Variants in SYT1 observed in about 807,000 individuals in gnomAD.
SYT1 encodes the protein synaptotagmin 1.
A neutral mutation model predicts 44.8 loss-of-function variants in SYT1; 8 were observed. The observed-to-expected ratio is 0.18, with a 90% confidence interval of 0.10 to 0.32. The LOEUF is 0.32. Ranked by LOEUF, SYT1 falls within the 10% of genes least tolerant of loss-of-function variation. The pLI is 1.00. For missense variants in SYT1, 286 were observed against 509.3 expected, an observed-to-expected ratio of 0.56 and a Z score of 4.22; for synonymous variants, 154 against 188.8, an observed-to-expected ratio of 0.82 and a Z score of 1.51.
At chr12:79,002,456 A>ATT (rs112673654) in intron 2 of SYT1, among the ~76,000 whole-genome samples, 2 of 147,486 alleles carry the variant, frequency 1.4e-5, no homozygotes, top group East Asian at 2.0e-4. Context: ...CATTGCCAGT[A>ATT]TTTTTTTTTT....
At chr12:79,403,929 C>T (rs1044828176) in intron 9 of SYT1, among the ~76,000 whole-genome samples, 17 of 152,116 alleles carry the variant, frequency 1.1e-4, no homozygotes, top group African/African-American at 1.7e-4. Flanking sequence ...AAAAGAATGA[C>T]GCCACCTAAG....
chr12:79,153,364 A>G (rs1870396943), intron 3 of SYT1, among the ~76,000 whole-genome samples: 1 of 152,278 alleles, frequency 6.6e-6, no homozygotes, highest in Admixed American at 6.5e-5. Flanking sequence ...GTAGGTCGGA[A>G]GAAGAGCCAT....
At chr12:79,099,911 C>T (rs1878348736) in intron 3 of SYT1, among the ~76,000 whole-genome samples, 1 of 152,100 alleles carries the variant, frequency 6.6e-6, no homozygotes, top group Admixed American at 6.6e-5. Flanking sequence ...TTCCATTCAA[C>T]ATTCCAGGTA....
chr12:79,025,816 A>G (rs1386468372), intron 2 of SYT1, among the ~76,000 whole-genome samples: 3 of 151,638 alleles, frequency 2.0e-5, no homozygotes, highest in Non-Finnish European at 4.4e-5. Context: ...TTTAAAAAAT[A>G]CCAGACATTG....
At chr12:79,391,688 GC>G (rs1021650263) in intron 9 of SYT1, among the ~76,000 whole-genome samples, 1 of 151,988 alleles carries the variant, frequency 6.6e-6, no homozygotes, top group Non-Finnish European at 1.5e-5. Flanking sequence ...GTTGATTCCC[GC>G]CCCCCAACAG....
chr12:79,319,245 T>C (rs926546237), intron 8 of SYT1, among the ~76,000 whole-genome samples: 1 of 152,202 alleles, frequency 6.6e-6, no homozygotes, highest in South Asian at 2.1e-4. Context: ...CAAATTTACC[T>C]TTACTCATGT....
chr12:78,921,620 G>T (rs865949489), intron 1 of SYT1, among the ~76,000 whole-genome samples: 3 of 152,030 alleles, frequency 2.0e-5, no homozygotes, highest in Non-Finnish European at 4.4e-5. Context: ...GGCAAAAAGT[G>T]CTAGGTAATG....
chr12:79,291,764 T>G (rs1446547877), intron 5 of SYT1: 3 of 594,510 alleles, frequency 5.0e-6, no homozygotes, highest in Non-Finnish European at 9.4e-6. Flanking sequence ...ATTTTTTGCT[T>G]GCAATATTCT....
At chr12:79,400,665 C>T (rs1222193246) in intron 9 of SYT1, among the ~76,000 whole-genome samples, 2 of 152,138 alleles carry the variant, frequency 1.3e-5, no homozygotes, top group East Asian at 3.8e-4. Context: ...ACACAACATC[C>T]GGCAGAACAT....
chr12:79,070,293 A>G (rs1426806808), intron 3 of SYT1, among the ~76,000 whole-genome samples: 1 of 152,162 alleles, frequency 6.6e-6, no homozygotes, highest in East Asian at 1.9e-4. Flanking sequence ...AGAAATTCTA[A>G]CAACACTCTT....
At chr12:79,060,511 T>C (rs1347788253) in intron 3 of SYT1, among the ~76,000 whole-genome samples, 1 of 151,992 alleles carries the variant, frequency 6.6e-6, no homozygotes, top group Non-Finnish European at 1.5e-5. Flanking sequence ...GCCATCACTA[T>C]TTTACCTTCA....
chr12:78,999,722 G>C (rs1267589315), intron 2 of SYT1, among the ~76,000 whole-genome samples: 1 of 152,166 alleles, frequency 6.6e-6, no homozygotes, highest in African/African-American at 2.4e-5. Flanking sequence ...TCAGGAATCA[G>C]TCACTGTCAG....
At chr12:78,973,938 AATATATATATATATATATATATATAT>A (rs869290804) in intron 1 of SYT1, among the ~76,000 whole-genome samples, 1 of 25,324 alleles carries the variant, frequency 3.9e-5, no homozygotes, top group Non-Finnish European at 6.5e-5. Context: ...AAAAAAAAAA[AATATATATATATATATATATATATAT>A]ATATATATAT....
At chr12:78,959,892 T>G (rs1198270661) in intron 1 of SYT1, among the ~76,000 whole-genome samples, 1 of 152,186 alleles carries the variant, frequency 6.6e-6, no homozygotes. Context: ...ATTTTGTTTC[T>G]GAAGAATTGT....
chr12:79,352,187 C>A (rs1046015015), intron 8 of SYT1, among the ~76,000 whole-genome samples: 3 of 63,918 alleles, frequency 4.7e-5, no homozygotes, highest in Non-Finnish European at 7.2e-5. Flanking sequence ...AATGAATACA[C>A]CCCCCCCCCA....
At chr12:79,181,364 A>T (rs1872533002) in intron 3 of SYT1, among the ~76,000 whole-genome samples, 1 of 152,030 alleles carries the variant, frequency 6.6e-6, no homozygotes, top group African/African-American at 2.4e-5. Context: ...AATCTTAGGG[A>T]TTTACTTTTA....
At chr12:78,919,255 G>A (rs1477225661) in intron 1 of SYT1, among the ~76,000 whole-genome samples, 1 of 151,956 alleles carries the variant, frequency 6.6e-6, no homozygotes, top group Non-Finnish European at 1.5e-5. Context: ...AACTACCTCT[G>A]GGGACCTTGA....
intron 3 of SYT1, among the ~76,000 whole-genome samples, chr12:79,112,225 A>G (rs1592758543): frequency 6.6e-6 from 1 of 152,242 alleles, no homozygotes; most frequent in Admixed American, 6.5e-5. Context: ...TGGGTATGGT[A>G]GAATCTGAGA....
At chr12:79,152,156 GA>G (rs1171743292) in intron 3 of SYT1, among the ~76,000 whole-genome samples, 2 of 152,212 alleles carry the variant, frequency 1.3e-5, no homozygotes, top group East Asian at 3.9e-4. Flanking sequence ...AAATTTGAAC[GA>G]TAAGACTTTA....
Sources: allele counts gnomAD v4.1 joint callset (sites outside exome capture counted in the v4.1 genomes callset), GRCh38; gene constraint gnomAD v4.1.1; transcripts MANE v1.5; gene names NCBI Gene and HGNC (gene_info 2026-07-23, HGNC 2026-07-21).